The following NSD3 variants were observed in gnomAD, a reference collection of about 807,000 sequenced individuals.
The protein encoded by NSD3 is histone-lysine N-methyltransferase NSD3.
Under a neutral mutation model 160.8 loss-of-function variants are expected in NSD3, and 24 were observed. That is an observed-to-expected ratio of 0.15 (90% CI 0.11 to 0.21). NSD3 has a LOEUF of 0.21. Among genes scored for constraint, NSD3 ranks in the 10% least tolerant of loss-of-function variants. NSD3 has a pLI of 1.00. For missense variants in NSD3, 1,157 were observed against 1,735.9 expected (o/e 0.67, Z 5.93); for synonymous variants, 520 against 600.0 (o/e 0.87, Z 1.95).
intron 1 of NSD3, among the ~76,000 whole-genome samples, chr8:38,372,923 C>T (rs1811287088): frequency 7.2e-6 from 1 of 139,688 alleles, no homozygotes; most frequent in Admixed American, 7.2e-5. Flanking sequence ...TGGTGATGGG[C>T]ACCTGTAGTC....
intron 6 of NSD3, among the ~76,000 whole-genome samples, chr8:38,327,452 G>C (rs1809944992): frequency 6.6e-6 from 1 of 152,010 alleles, no homozygotes; most frequent in African/African-American, 2.4e-5. Flanking sequence ...CCTCGTCCCA[G>C]GTTCAAGTAA....
Position 38,316,347 on chromosome 8 carries a change from T to C in NSD3, c.1856-305A>G. ...AATTCTATGAAAATTGCAGGATAGC[T>C]GATGGATTTGGAGCAATTCAAAGAA... is the stretch of plus-strand genomic sequence containing the variant. On this transcript the variant is annotated intron_variant, in intron 9 of 23. Coordinates refer to ENST00000317025, the MANE Select transcript of NSD3 (RefSeq NM_023034.2). The surrounding 1 kb of genome is among the most constrained non-coding windows in gnomAD (Gnocchi z 4.5). The C allele has an allele frequency of 7.3e-6, 8 of 1,094,690 alleles. No individual in the cohort carries two copies. The highest frequency in any genetic ancestry group is 9.0e-6 in the Non-Finnish European group (8 of 889,792). 67.8% of individuals were successfully genotyped at this position (1,094,690 alleles called of 1,614,324 possible). A position where few individuals can be genotyped will look rare whatever the true frequency, so the allele number is the denominator to read the frequency against.
intron 17 of NSD3, among the ~76,000 whole-genome samples, chr8:38,290,090 C>T (rs1158901907): frequency 6.6e-6 from 1 of 151,968 alleles, no homozygotes; most frequent in African/African-American, 2.4e-5. Flanking sequence ...ATAGTGGGCA[C>T]CTGTAGCCCC....
chr8:38,293,268 C>A (rs1809050236), intron 16 of NSD3, among the ~76,000 whole-genome samples: 1 of 151,552 alleles, frequency 6.6e-6, no homozygotes, highest in African/African-American at 2.4e-5. Context: ...AGAGAGAGAA[C>A]AGGCTGGGTG....
intron 6 of NSD3, among the ~76,000 whole-genome samples, chr8:38,327,346 G>A (rs1358812639): frequency 2.0e-5 from 3 of 151,478 alleles, no homozygotes; most frequent in African/African-American, 2.4e-5. Context: ...GTTAGCCACC[G>A]CACCCGGCCA....
At chr8:38,278,235 G>T in intron 22 of NSD3, 71 bp downstream of exon 22, 4 of 1,426,316 alleles carry the variant, frequency 2.8e-6, no homozygotes, top group Non-Finnish European at 3.9e-6. Flanking sequence ...ACCGCGCCCG[G>T]CCAAACAGAC....
chr8:38,338,087 G>T (rs1300078102), intron 3 of NSD3, among the ~76,000 whole-genome samples: 1 of 152,068 alleles, frequency 6.6e-6, no homozygotes, highest in South Asian at 2.1e-4. Flanking sequence ...AGATCACAAG[G>T]TCAGGAGATC....
chr8:38,378,225 G>A (rs1054915870), intron 1 of NSD3, among the ~76,000 whole-genome samples: 4 of 152,136 alleles, frequency 2.6e-5, no homozygotes, highest in African/African-American at 9.7e-5. Flanking sequence ...CTCCATCTTG[G>A]CCGGGCGTGT....
chr8:38,319,012 T>C lies in NSD3; in HGVS notation c.1810-72A>G. The C allele has an allele frequency of 7.5e-7, 1 of 1,326,266 alleles. No individual in the cohort carries two copies. The highest frequency in any genetic ancestry group is 1.3e-5 in the South Asian group (1 of 79,190). 82.2% of individuals were successfully genotyped at this position (1,326,266 alleles called of 1,614,324 possible). A position where few individuals can be genotyped will look rare whatever the true frequency, so the allele number is the denominator to read the frequency against. ...TTTAATTATTAACAGAGGGAAAAGA[T>C]ACTTTCATCAATCTAAGCAATGATG... On this transcript the variant is annotated intron_variant, in intron 8 of 23. Coordinates refer to ENST00000317025, the MANE Select transcript of NSD3 (RefSeq NM_023034.2). The surrounding 1 kb of genome is among the most constrained non-coding windows in gnomAD (Gnocchi z 4.1).
chr8:38,353,813 A>G (rs985265394), intron 1 of NSD3, among the ~76,000 whole-genome samples: 2 of 152,194 alleles, frequency 1.3e-5, no homozygotes, highest in African/African-American at 4.8e-5. Context: ...TTTTTAGGTA[A>G]CCACATAGAA....
chr8:38,361,583 G>A (rs1305885351), intron 1 of NSD3, among the ~76,000 whole-genome samples: 1 of 151,348 alleles, frequency 6.6e-6, no homozygotes, highest in Non-Finnish European at 1.5e-5. Context: ...GTGAAACCCC[G>A]TCTCTACTAA....
intron 1 of NSD3, among the ~76,000 whole-genome samples, chr8:38,372,742 C>G (rs1256783309): frequency 2.0e-5 from 3 of 151,100 alleles, no homozygotes; most frequent in Non-Finnish European, 4.4e-5. Flanking sequence ...GTGCTCCGCC[C>G]GCCTCGGCCT....
At chr8:38,355,439 G>C (rs1242318256) in intron 1 of NSD3, among the ~76,000 whole-genome samples, 2 of 151,622 alleles carry the variant, frequency 1.3e-5, no homozygotes, top group African/African-American at 4.8e-5. Context: ...CTGACCTAAA[G>C]GTACTTTCAA....
intron 2 of NSD3, among the ~76,000 whole-genome samples, chr8:38,344,974 T>C (rs909017099): frequency 1.1e-4 from 16 of 152,106 alleles, no homozygotes; most frequent in South Asian, 6.2e-4. Flanking sequence ...GAAATCTAAT[T>C]TAAAAATATA....
At chr8:38,344,554 T>C (rs111560154) in intron 2 of NSD3, among the ~76,000 whole-genome samples, 9 of 152,098 alleles carry the variant, frequency 5.9e-5, no homozygotes, top group African/African-American at 2.2e-4. Flanking sequence ...TATTACAGAT[T>C]GAGCCACCAT....
rs1376404184 is a variant in NSD3, at chr8:38,304,498, G to A, written c.2611+89C>T. ...GGTAGGAGATTCTACTAGATGGCCT[G>A]AGTTCTTTCCCAATGCTGAGACTCT... On this transcript the variant is annotated intron_variant, in intron 14 of 23. Transcript: ENST00000317025. 10 of 1,347,378 alleles carry A rather than the reference G, an allele frequency of 7.4e-6. No homozygotes were observed. In the East Asian group the frequency reaches 2.1e-4, roughly 28 times the overall value. The allele number at this position is 1,347,378 out of a possible 1,614,324, so 83.5% of individuals were successfully genotyped here. A position where few individuals can be genotyped will look rare whatever the true frequency, so the allele number is the denominator to read the frequency against.
intron 7 of NSD3, among the ~76,000 whole-genome samples, chr8:38,325,542 A>G (rs990711493): frequency 1.3e-5 from 2 of 152,206 alleles, no homozygotes; most frequent in African/African-American, 2.4e-5. Context: ...CAGACATTCA[A>G]TTGAAACTCT....
chr8:38,376,306 T>G (rs1811385393), intron 1 of NSD3, among the ~76,000 whole-genome samples: 1 of 152,170 alleles, frequency 6.6e-6, no homozygotes, highest in African/African-American at 2.4e-5. Flanking sequence ...ACATGGTGAA[T>G]AAAATATGAA....
intron 15 of NSD3, among the ~76,000 whole-genome samples, chr8:38,298,437 T>C (rs1013511461): frequency 3.3e-5 from 5 of 152,214 alleles, no homozygotes; most frequent in African/African-American, 1.2e-4. Context: ...CTTTTAGTCA[T>C]GAGTTGCCAC....
Sources: gnomAD v4.1 joint callset for allele counts (sites outside exome capture counted in the v4.1 genomes callset) on GRCh38, gnomAD v4.1.1 for gene constraint, Gnocchi (gnomAD v3.1) non-coding constraint, MANE v1.5 for transcripts, NCBI Gene and HGNC (gene_info 2026-07-23, HGNC 2026-07-21) for gene names.